The following GOSR1 variants were observed in gnomAD, a reference collection of about 807,000 sequenced individuals.
GOSR1 encodes 28 kDa Golgi SNARE protein.
In GOSR1, 21 loss-of-function variants were observed where a neutral mutation model predicts 35.5. The observed-to-expected ratio is 0.59, with a 90% CI of 0.42 to 0.85. The LOEUF (loss-of-function observed/expected upper bound fraction) is 0.85, where lower values mean the gene tolerates loss of function less well. Ranked by LOEUF, GOSR1 falls within the 40% of genes least tolerant of loss-of-function variation. GOSR1 has a pLI of 0.00. For missense variants in GOSR1, 285 were observed against 309.6 expected, an observed-to-expected ratio of 0.92 and a Z score of 0.60; for synonymous variants, 94 against 106.6, an observed-to-expected ratio of 0.88 and a Z score of 0.73.
intron 6 of GOSR1, among the ~76,000 whole-genome samples, chr17:30,501,880 C>T (rs550236265): frequency 6.6e-6 from 1 of 152,338 alleles, no homozygotes; most frequent in South Asian, 2.1e-4. Context: ...GAGTTGAAAA[C>T]TTACATTTAC....
chr17:30,488,321 T>C (rs1335112879), intron 4 of GOSR1, among the ~76,000 whole-genome samples: 1 of 150,954 alleles, frequency 6.6e-6, no homozygotes, highest in Non-Finnish European at 1.5e-5. Context: ...CTCGCCACCA[T>C]GCCCGGCTAT....
chr17:30,501,397 C>G (rs1967199052), intron 6 of GOSR1, among the ~76,000 whole-genome samples: 1 of 152,156 alleles, frequency 6.6e-6, no homozygotes. Flanking sequence ...TTAGAAGGAA[C>G]ACTGAAGGAA....
chr17:30,477,442 A>G lies in GOSR1; in HGVS notation c.9A>G (p.Ala3=), dbSNP rs767923630. 2.5e-6 allele frequency: 4 copies of G among 1,609,050 alleles called. No homozygotes were observed. The South Asian group carries it at 3.3e-5, about 13-fold the overall frequency. The part of the protein sequence containing the change: MA[A]GTSSYWEDLR... Reference sequence around the variant, plus strand: ...GACGTTGGACGACAAAGATGGCGGCAGGGACCAGCAGTTACTGGGAAGGTG... The same window carrying G: ...GACGTTGGACGACAAAGATGGCGGCGGGGACCAGCAGTTACTGGGAAGGTG... The change falls in exon 1 of 9, where the codon GCA becomes GCG. Residue 3 remains alanine (A), a synonymous_variant. Transcript: ENST00000451249.
At chr17:30,501,237 C>G (rs1236248528) in intron 6 of GOSR1, among the ~76,000 whole-genome samples, 1 of 152,036 alleles carries the variant, frequency 6.6e-6, no homozygotes, top group Non-Finnish European at 1.5e-5. Flanking sequence ...GAACAGCCAT[C>G]TTAACCAAGG....
At position 30,525,772 on chromosome 17, in the gene GOSR1, G is replaced by C. The variant is rs1328004263; in HGVS notation, c.*3394G>C. On this transcript the variant is annotated 3_prime_UTR_variant, in exon 9 of 9. Coordinates refer to ENST00000451249, the MANE Select transcript of GOSR1 (RefSeq NM_001007025.2). ...ATGGCTGATGGGCCTTTCCATTAGG[G>C]TTTTGCTTATGTGAAGTAATGGAAT... 7 of 152,052 alleles carry C rather than the reference G, an allele frequency of 4.6e-5. No individual in the cohort carries two copies. The East Asian group carries it at 1.3e-3, about 29-fold the overall frequency. 9.4% of individuals were successfully genotyped at this position (152,052 alleles called of 1,614,324 possible). A position where few individuals can be genotyped will look rare whatever the true frequency, so the allele number is the denominator to read the frequency against.
intron 1 of GOSR1, among the ~76,000 whole-genome samples, chr17:30,480,570 A>G (rs959891985): frequency 2.6e-5 from 4 of 152,204 alleles, no homozygotes; most frequent in African/African-American, 9.7e-5. Flanking sequence ...GAAGGATAGA[A>G]CAACATTTGT....
intron 7 of GOSR1, among the ~76,000 whole-genome samples, chr17:30,514,034 CAATACCTTGT>C (rs1246947755): frequency 2.0e-5 from 3 of 152,216 alleles, no homozygotes; most frequent in African/African-American, 7.2e-5. Flanking sequence ...TATCTACTTG[CAATACCTTGT>C]AAACTTTTCT....
At chr17:30,514,508 G>A (rs1249102395) in intron 7 of GOSR1, among the ~76,000 whole-genome samples, 2 of 152,164 alleles carry the variant, frequency 1.3e-5, no homozygotes, top group Admixed American at 6.5e-5. Context: ...ATAGAATTCT[G>A]AGTTGGAAAT....
intron 6 of GOSR1, among the ~76,000 whole-genome samples, chr17:30,494,409 G>T (rs1384597797): frequency 6.6e-6 from 1 of 152,164 alleles, no homozygotes; most frequent in African/African-American, 2.4e-5. Flanking sequence ...TTGAATTAGT[G>T]TCAAGCTTGT....
At chr17:30,506,212 C>G (rs1183227324) in intron 6 of GOSR1, among the ~76,000 whole-genome samples, 3 of 152,168 alleles carry the variant, frequency 2.0e-5, no homozygotes, top group Non-Finnish European at 4.4e-5. Context: ...AGGCAGAAAC[C>G]ACTACCTTTA....
At chr17:30,490,247 A>G (rs760455980) in intron 5 of GOSR1, 30 bp downstream of exon 5, 2 of 1,078,744 alleles carry the variant, frequency 1.9e-6, no homozygotes, top group Admixed American at 1.7e-5. Flanking sequence ...ATTTTGTAGA[A>G]TATTTATTCA....
chr17:30,492,924 A>G (rs1915134528), intron 6 of GOSR1, among the ~76,000 whole-genome samples, 171 bp downstream of exon 6: 1 of 152,180 alleles, frequency 6.6e-6, no homozygotes, highest in Non-Finnish European at 1.5e-5. Flanking sequence ...TGTTCCAACC[A>G]TAATTAGGAA....
At chr17:30,479,973 G>A (rs1460399755) in intron 1 of GOSR1, 3 of 152,078 alleles carry the variant, frequency 2.0e-5, no homozygotes, top group African/African-American at 7.2e-5. Context: ...AAAGAAAAAG[G>A]CAATTTTTGT....
At chr17:30,497,940 C>T (rs1273835497) in intron 6 of GOSR1, among the ~76,000 whole-genome samples, 4 of 151,980 alleles carry the variant, frequency 2.6e-5, no homozygotes, top group Non-Finnish European at 4.4e-5. Context: ...CGCCTATAAT[C>T]CCAGCTACAC....
intron 8 of GOSR1, among the ~76,000 whole-genome samples, chr17:30,521,719 G>C (rs1968043755): frequency 6.6e-6 from 1 of 152,138 alleles, no homozygotes; most frequent in South Asian, 2.1e-4. Context: ...TGATTATATA[G>C]ACCTTAGAGT....
intron 6 of GOSR1, among the ~76,000 whole-genome samples, chr17:30,497,791 G>T (rs1193081038): frequency 6.6e-6 from 1 of 152,198 alleles, no homozygotes; most frequent in Non-Finnish European, 1.5e-5. Context: ...AGATGCAGTG[G>T]CTCACGCCTG....
intron 3 of GOSR1, 24 bp from the exon 4 acceptor site, chr17:30,484,639 T>TA (rs1567897475): frequency 2.7e-6 from 3 of 1,095,062 alleles, no homozygotes; most frequent in South Asian, 2.9e-5. Context: ...ATATTTTGAT[T>TA]GTTTTTTTTT....
intron 2 of GOSR1, 35 bp downstream of exon 2, chr17:30,481,292 TA>T: frequency 6.6e-7 from 1 of 1,506,228 alleles, no homozygotes; most frequent in Non-Finnish European, 9.1e-7. Flanking sequence ...TCCTATGCCT[TA>T]ACTGTGTTTT....
At chr17:30,483,565 A>G (rs1263077638) in intron 2 of GOSR1, among the ~76,000 whole-genome samples, 1 of 152,222 alleles carries the variant, frequency 6.6e-6, no homozygotes, top group African/African-American at 2.4e-5. Flanking sequence ...AGGCACTGTC[A>G]CAGGGTAGCA....
Sources: allele counts gnomAD v4.1 joint callset (sites outside exome capture counted in the v4.1 genomes callset), GRCh38; gene constraint gnomAD v4.1.1; transcripts MANE v1.5; gene names NCBI Gene and HGNC (gene_info 2026-07-23, HGNC 2026-07-21).